Variants in ITSN2 observed in about 807,000 individuals in gnomAD.
ITSN2 encodes intersectin-2.
ITSN2 carries 156 observed loss-of-function variants against 243.7 expected under a neutral mutation model. That is an observed-to-expected ratio of 0.64 (90% CI 0.56 to 0.73). ITSN2 has a LOEUF of 0.73. ITSN2 is among the 30% of genes least tolerant of loss of function. ITSN2 has a pLI of 0.00. For missense variants in ITSN2, 1,801 were observed against 1,996.1 expected, an observed-to-expected ratio of 0.90 and a Z score of 1.86; for synonymous variants, 703 against 699.9, an observed-to-expected ratio of 1.00 and a Z score of -0.07.
At chr2:24,350,360 C>T (rs1485859168) in intron 1 of ITSN2, among the ~76,000 whole-genome samples, 1 of 152,200 alleles carries the variant, frequency 6.6e-6, no homozygotes, top group Non-Finnish European at 1.5e-5. Flanking sequence ...CTGGAACCCA[C>T]ATACATTGCT....
In ITSN2 at chr2:24,215,997, T is replaced by C; in HGVS notation, c.3990+52A>G. The C allele has an allele frequency of 3.5e-6, 5 of 1,421,880 alleles. No individual in the cohort carries two copies. The South Asian group carries it at 5.6e-5, about 16-fold the overall frequency. The allele number at this position is 1,421,880 out of a possible 1,614,324, so 88.1% of individuals were successfully genotyped here. ...TTCCCTGTTGGGCTACTGTGTGCTG[T>C]TGCCTCCAGCCTCAGAAGGAGCCTG... On this transcript the variant is annotated intron_variant, in intron 32 of 39. Transcript: ENST00000355123.
chr2:24,215,025 T>G (rs1041253435), intron 32 of ITSN2, among the ~76,000 whole-genome samples: 4 of 152,256 alleles, frequency 2.6e-5, no homozygotes, highest in Non-Finnish European at 5.9e-5. Flanking sequence ...TGCAAATAAC[T>G]TCTCAAAATA....
intron 29 of ITSN2, 30 bp from the exon 30 acceptor site, chr2:24,221,096 T>A (rs780832551): frequency 6.3e-7 from 1 of 1,592,062 alleles, no homozygotes; most frequent in African/African-American, 1.4e-5. Context: ...GTTTAAAATA[T>A]TACTTTAGTC....
chr2:24,300,105 T>C lies in ITSN2; in HGVS notation c.1148A>G (p.Gln383Arg), dbSNP rs773654831. The C allele has an allele frequency of 6.2e-7, 1 of 1,614,200 alleles. No individual in the cohort carries two copies. The highest frequency in any genetic ancestry group is 8.5e-7 in the Non-Finnish European group (1 of 1,180,036). Residue 383 changes from glutamine to arginine, a missense_variant, in exon 12 of 40, where the codon CAA (glutamine) becomes CGA (arginine). By Grantham distance (43) the Gln-to-Arg change is conservative. Transcript: ENST00000355123. ...RGNMELEKRR[Q>R]ALMEQQQREA... is the part of the protein sequence containing the mutation. ...CCTTTGTTGCTGCTCCATCAAGGCT[T>C]GGCGTCGCTTTTCCAGCTCCATGTT...
intron 14 of ITSN2, 111 bp downstream of exon 14, chr2:24,295,553 C>A: frequency 1.3e-6 from 1 of 765,170 alleles, no homozygotes; most frequent in Non-Finnish European, 1.9e-6. Context: ...AGGGGATCCA[C>A]CCGCCTCAGC....
chr2:24,217,083 C>CA (rs67968149), intron 31 of ITSN2, among the ~76,000 whole-genome samples: 3 of 140,146 alleles, frequency 2.1e-5, no homozygotes, highest in Non-Finnish European at 3.1e-5. Context: ...GACTCCGTCT[C>CA]AAAAAAAAAA....
intron 1 of ITSN2, among the ~76,000 whole-genome samples, chr2:24,336,683 AGT>A (rs1686414604): frequency 6.6e-6 from 1 of 152,200 alleles, no homozygotes; most frequent in Non-Finnish European, 1.5e-5. Flanking sequence ...CCTCCCAGGT[AGT>A]TAGTCACTAT....
intron 31 of ITSN2, chr2:24,216,439 A>C: frequency 2.4e-6 from 1 of 413,836 alleles, no homozygotes; most frequent in Non-Finnish European, 4.3e-6. Flanking sequence ...GTCAGCAAAG[A>C]AAAAAAAAGT....
intron 2 of ITSN2, among the ~76,000 whole-genome samples, chr2:24,324,708 C>A (rs1490994229): frequency 6.6e-6 from 1 of 151,648 alleles, no homozygotes; most frequent in Non-Finnish European, 1.5e-5. Flanking sequence ...TTTTAAGTAG[C>A]TGGTCTTGGT....
At chr2:24,221,127 T>G in intron 29 of ITSN2, 61 bp from the exon 30 acceptor site, 2 of 1,538,266 alleles carry the variant, frequency 1.3e-6, no homozygotes, top group Non-Finnish European at 1.8e-6. Context: ...AAAATAGACA[T>G]TTGTCAGCAG....
At chr2:24,294,850 C>T (rs1207527862) in intron 14 of ITSN2, among the ~76,000 whole-genome samples, 1 of 152,142 alleles carries the variant, frequency 6.6e-6, no homozygotes, top group South Asian at 2.1e-4. Context: ...GGAGGCTCCA[C>T]ACTCATGAAT....
chr2:24,353,414 T>C (rs534966424), intron 1 of ITSN2, among the ~76,000 whole-genome samples: 25 of 152,162 alleles, frequency 1.6e-4, no homozygotes, highest in South Asian at 6.2e-4. Flanking sequence ...CTGGGAAACA[T>C]GGTGTAAACC....
intron 32 of ITSN2, among the ~76,000 whole-genome samples, chr2:24,215,443 G>A (rs543429959): frequency 6.2e-4 from 94 of 152,210 alleles, no homozygotes; most frequent in African/African-American, 2.0e-3. Flanking sequence ...AAGGTGGGCC[G>A]ATCACCTGAG....
At chr2:24,232,901 C>T (rs1255829748) in intron 29 of ITSN2, among the ~76,000 whole-genome samples, 1 of 151,978 alleles carries the variant, frequency 6.6e-6, no homozygotes, top group Admixed American at 6.6e-5. Context: ...ATTCTAAAGG[C>T]AAAAAAGGTT....
chr2:24,207,747 G>A (rs907127805), intron 37 of ITSN2, among the ~76,000 whole-genome samples: 3 of 151,904 alleles, frequency 2.0e-5, no homozygotes, highest in Admixed American at 2.0e-4. Flanking sequence ...GAAGTCTGGT[G>A]AAGTGAGAAG....
chr2:24,218,513 C>T (rs1670167271), intron 30 of ITSN2, among the ~76,000 whole-genome samples: 1 of 152,156 alleles, frequency 6.6e-6, no homozygotes, highest in Non-Finnish European at 1.5e-5. Context: ...AATAGTAATA[C>T]TCTACATCTG....
In ITSN2 at chr2:24,299,977, AG is replaced by A. The variant is rs773516729; in HGVS notation, c.1275del (p.Leu426Ter). 1 of 1,613,830 alleles carries A rather than the reference AG, an allele frequency of 6.2e-7. No individual in the cohort carries two copies. On this transcript the variant is annotated frameshift_variant, in exon 12 of 40. Coordinates refer to ENST00000355123, the MANE Select transcript of ITSN2 (RefSeq NM_006277.3). LOFTEE classifies it high-confidence loss of function. ...CTCTCCAATTCCCGTTGCTTCTCTA[AG>A]CGTTTTTCTAATTCAAGTTGTTTCT... is the stretch of plus-strand genomic sequence containing the variant. ...EWKKQLELEK[R>X]LEKQRELERQ...
At chr2:24,207,556 G>A (rs890848510) in intron 37 of ITSN2, among the ~76,000 whole-genome samples, 2 of 152,068 alleles carry the variant, frequency 1.3e-5, no homozygotes, top group Non-Finnish European at 2.9e-5. Context: ...GAGGGAGAGC[G>A]CTACAGAGGT....
At chr2:24,277,678 A>C (rs905093183) in intron 17 of ITSN2, among the ~76,000 whole-genome samples, 10 of 152,224 alleles carry the variant, frequency 6.6e-5, no homozygotes, top group Admixed American at 6.5e-5. Context: ...GTATAACCTT[A>C]GGAAAGTTAT....
Sources: allele counts gnomAD v4.1 joint callset (sites outside exome capture counted in the v4.1 genomes callset), GRCh38; gene constraint gnomAD v4.1.1; transcripts MANE v1.5; gene names NCBI Gene and HGNC (gene_info 2026-07-23, HGNC 2026-07-21).